PLA2G2A: variants seen among roughly 807,000 people sequenced by gnomAD.
PLA2G2A encodes the protein phospholipase A2, membrane associated.
In PLA2G2A, 6 loss-of-function variants were observed where a neutral mutation model predicts 11.2. The ratio of observed to expected loss-of-function variants is 0.54; its 90% CI spans 0.29 to 1.06. PLA2G2A has a LOEUF of 1.06. Among genes scored for constraint, PLA2G2A ranks in the 50% least tolerant of loss-of-function variants. The pLI, the probability that PLA2G2A is intolerant of heterozygous loss-of-function variation, is 0.08. For missense variants in PLA2G2A, 133 were observed against 177.1 expected (o/e 0.75, Z 1.41); for synonymous variants, 69 against 65.8 (o/e 1.05, Z -0.23).
At chr1:19,977,620 A>G (rs1571224924) in intron 4 of PLA2G2A, among the ~76,000 whole-genome samples, 1 of 152,360 alleles carries the variant, frequency 6.6e-6, no homozygotes, top group African/African-American at 2.4e-5. Flanking sequence ...TGTCTCCAGC[A>G]TCATGGCTCA....
At position 19,975,915 on chromosome 1, in the gene PLA2G2A, G is replaced by A. The variant is rs562522906; in HGVS notation, c.293-72C>T. On this transcript the variant is annotated intron_variant, in intron 4 of 4. Transcript: ENST00000482011. ...CAGTGGCTTCTTGTGGGAACCCTGG[G>A]GTAGAAGACACAGCCCTGTCCTCCA... The A allele has an allele frequency of 2.9e-5, 39 of 1,337,454 alleles. No individual in the cohort carries two copies. In the African/African-American group the frequency reaches 5.2e-4, roughly 18 times the overall value. The allele number at this position is 1,337,454 out of a possible 1,614,324, so 82.8% of individuals were successfully genotyped here.
intron 4 of PLA2G2A, 83 bp from the exon 5 acceptor site, chr1:19,975,926 C>T: frequency 1.7e-6 from 2 of 1,170,878 alleles, no homozygotes; most frequent in Non-Finnish European, 2.5e-6. Flanking sequence ...GTAGAAGACA[C>T]AGCCCTGTCC....
At chr1:19,978,179 T>C in intron 3 of PLA2G2A, 58 bp from the exon 4 acceptor site, 1 of 1,407,594 alleles carries the variant, frequency 7.1e-7, no homozygotes, top group Non-Finnish European at 1.0e-6. Context: ...GCCTGGTGCC[T>C]GTGGTCTCAC....
At position 19,978,716 on chromosome 1, in the gene PLA2G2A, G is replaced by A; in HGVS notation, c.40+18C>T. The A allele has an allele frequency of 1.2e-6, 2 of 1,613,788 alleles. No homozygotes were observed. Among genetic ancestry groups the A allele is most frequent in the Non-Finnish European group, 8.5e-7 (1 of 1,179,696 alleles). On this transcript the variant is annotated intron_variant, in intron 2 of 4. Coordinates refer to ENST00000482011, the Ensembl canonical transcript of PLA2G2A. ...TGGGGCTGTCCCCCCATGCTCAGAG[G>A]TCAGGGTCAGCTCTTACCAAAGATC...
chr1:19,975,869 A>T (rs2046212968), intron 4 of PLA2G2A, 26 bp from the exon 5 acceptor site: 2 of 1,607,112 alleles, frequency 1.2e-6, no homozygotes, highest in Admixed American at 1.7e-5. Flanking sequence ...AATAAACACA[A>T]GATGGGAGTT....
exon 2 of PLA2G2A, chr1:19,978,863 G>T: frequency 1.6e-6 from 2 of 1,216,852 alleles, no homozygotes; most frequent in Admixed American, 1.7e-5. Context: ...TCGCTCCCCT[G>T]CTCCTCCTTG....
chr1:19,975,955 G>GTGTT, intron 4 of PLA2G2A, 112 bp from the exon 5 acceptor site: 1 of 869,310 alleles, frequency 1.2e-6, no homozygotes, highest in Non-Finnish European at 1.9e-6. Context: ...CTCCTAGTTG[G>GTGTT]AGACAAACAC....
downstream of PLA2G2A, chr1:19,975,662 A>G: frequency 6.2e-7 from 1 of 1,601,550 alleles, no homozygotes; most frequent in Admixed American, 1.7e-5. Context: ...AGAGAGGGAA[A>G]TTCAGCACTG....
intron 2 of PLA2G2A, 74 bp from the exon 3 acceptor site, chr1:19,978,598 T>C: frequency 6.2e-7 from 1 of 1,604,038 alleles, no homozygotes; most frequent in Non-Finnish European, 8.5e-7. Flanking sequence ...CCCTCTCTGC[T>C]ACTCTCCTTC....
At chr1:19,978,785 T>C in exon 2 of PLA2G2A, 1 of 1,614,138 alleles carries the variant, frequency 6.2e-7, no homozygotes, top group South Asian at 1.1e-5. Context: ...GTAAGAGTTC[T>C]TGGGTGACAA....
At chr1:19,978,699 T>TC in intron 2 of PLA2G2A, 35 bp downstream of exon 2, 1 of 1,609,194 alleles carries the variant, frequency 6.2e-7, no homozygotes. Flanking sequence ...TCTGGGGCTG[T>TC]CCCCCCATGC....
At chr1:19,978,792 A>T in exon 2 of PLA2G2A, 3 of 1,613,892 alleles carry the variant, frequency 1.9e-6, no homozygotes, top group Non-Finnish European at 2.5e-6. Flanking sequence ...TTCTTGGGTG[A>T]CAAATGCAGA....
In PLA2G2A at chr1:19,978,960, G is replaced by A. The variant is rs189548933; in HGVS notation, c.-106-81C>T. On this transcript the variant is annotated intron_variant, in intron 1 of 4. Transcript: ENST00000482011. ...GTCACACTCAGAGCACACAAGGAGT[G>A]CCCTCCAGCAATGCACACACACACA... The A allele has an allele frequency of 4.1e-3, 2,434 of 598,774 alleles. 15 individuals carry two copies. The highest frequency in any genetic ancestry group is 5.8e-3 in the Non-Finnish European group (1,952 of 335,792). 37.1% of individuals were successfully genotyped at this position (598,774 alleles called of 1,614,324 possible). A position where few individuals can be genotyped will look rare whatever the true frequency, so the allele number is the denominator to read the frequency against.
At chr1:19,975,709 G>C in exon 5 of PLA2G2A, 3 of 1,613,748 alleles carry the variant, frequency 1.9e-6, no homozygotes, top group Non-Finnish European at 2.5e-6. Context: ...ACTCAGCAAC[G>C]AGGGGTGCTC....
At chr1:19,976,388 G>A (rs1172792828) in intron 4 of PLA2G2A, among the ~76,000 whole-genome samples, 2 of 152,192 alleles carry the variant, frequency 1.3e-5, no homozygotes, top group African/African-American at 4.8e-5. Flanking sequence ...GACATCCCAG[G>A]TGTAGACACT....
chr1:19,978,068 C>T, exon 4 of PLA2G2A: 1 of 1,613,942 alleles, frequency 6.2e-7, no homozygotes, highest in South Asian at 1.1e-5. Context: ...AAATTTGGTG[C>T]CACATCCACG....
chr1:19,980,020 C>T (rs942929969), upstream of PLA2G2A, among the ~76,000 whole-genome samples: 3 of 152,204 alleles, frequency 2.0e-5, no homozygotes, highest in African/African-American at 7.2e-5. Flanking sequence ...CTCCCTTCTG[C>T]TCAATGTGGC....
At chr1:19,978,457 T>A in exon 3 of PLA2G2A, 1 of 1,613,972 alleles carries the variant, frequency 6.2e-7, no homozygotes, top group Non-Finnish European at 8.5e-7. Flanking sequence ...TGAGTGCGGC[T>A]TCCTTTCCTG....
rs34568801 is a variant in PLA2G2A, at chr1:19,975,708, C to T, written c.428G>A (p.Arg143His). 6.6e-3 allele frequency: 10,651 copies of T among 1,613,616 alleles called. 44 individuals are homozygous for T. The highest frequency in any genetic ancestry group is 8.0e-3 in the Non-Finnish European group (9,432 of 1,179,598). The change falls in exon 5 of 5, where the codon CGT becomes CAT. Residue 143 changes from arginine (R) to histidine (H), a missense_variant. Physicochemically the swap from Arg to His is conservative, Grantham distance 29 (BLOSUM62 0). Coordinates refer to ENST00000482011, the Ensembl canonical transcript of PLA2G2A. ...TTCCAGGGAAGAGGGGACTCAGCAA[C>T]GAGGGGTGCTCCCTCTGCAGTGTTT... is the stretch of plus-strand genomic sequence containing the variant.
Sources: gnomAD v4.1 joint callset for allele counts (sites outside exome capture counted in the v4.1 genomes callset) on GRCh38, gnomAD v4.1.1 for gene constraint, MANE v1.5 for transcripts, NCBI Gene and HGNC (gene_info 2026-07-23, HGNC 2026-07-21) for gene names.